The following KCNAB1 variants were observed in gnomAD, a reference collection of about 807,000 sequenced individuals.
KCNAB1 encodes the protein potassium voltage-gated channel subfamily A regulatory beta subunit 1.
In KCNAB1, 35 loss-of-function variants were observed where a neutral mutation model predicts 64.6. The observed-to-expected ratio is 0.54, with a 90% CI of 0.41 to 0.72. The LOEUF is 0.72. KCNAB1 is among the 30% of genes least tolerant of loss of function. The pLI, the probability that KCNAB1 is intolerant of heterozygous loss-of-function variation, is 0.00. For synonymous variants in KCNAB1, 177 were observed against 183.8 expected (o/e 0.96, Z 0.30); for missense variants, 401 against 512.9 (o/e 0.78, Z 2.11).
chr3:156,138,149 C>A (rs764262084), intron 1 of KCNAB1, among the ~76,000 whole-genome samples: 4 of 152,164 alleles, frequency 2.6e-5, no homozygotes, highest in Non-Finnish European at 4.4e-5. Flanking sequence ...TATAGCTAGA[C>A]CCCAAGGTAG....
At chr3:156,502,571 CACAA>C (rs1415851634) in intron 8 of KCNAB1, among the ~76,000 whole-genome samples, 1 of 143,806 alleles carries the variant, frequency 7.0e-6, no homozygotes, top group African/African-American at 2.6e-5. Context: ...CACACACACA[CACAA>C]ATTCAAGATG....
chr3:156,366,970 C>G (rs115976107), intron 1 of KCNAB1, among the ~76,000 whole-genome samples: 2,024 of 152,220 alleles, frequency 0.013, 17 homozygotes, highest in South Asian at 0.031. Flanking sequence ...GGTCCCGGGA[C>G]TATTGCAAAA....
At chr3:156,304,208 G>A (rs1168544623) in intron 1 of KCNAB1, among the ~76,000 whole-genome samples, 4 of 152,064 alleles carry the variant, frequency 2.6e-5, no homozygotes, top group East Asian at 1.9e-4. Flanking sequence ...TTGGGGACAG[G>A]GTTTGACAAA....
intron 1 of KCNAB1, among the ~76,000 whole-genome samples, chr3:156,165,697 T>G (rs1373040141): frequency 2.0e-5 from 3 of 152,256 alleles, no homozygotes; most frequent in African/African-American, 4.8e-5. Context: ...GATGTTTTGT[T>G]ATAGTTAGTG....
chr3:156,327,734 G>A (rs1251465098), intron 1 of KCNAB1, among the ~76,000 whole-genome samples: 1 of 152,134 alleles, frequency 6.6e-6, no homozygotes, highest in African/African-American at 2.4e-5. Context: ...GTGGTCAGCT[G>A]TATCTTGGAG....
intron 1 of KCNAB1, chr3:156,291,457 C>T: frequency 6.8e-6 from 7 of 1,026,092 alleles, no homozygotes; most frequent in Non-Finnish European, 8.2e-6. Flanking sequence ...TGCGGTAAGC[C>T]TGCGCTGATT....
rs1358244680 is a variant in KCNAB1 at position 156,332,591 on chromosome 3, C to T, written c.276-89025C>T. ...TGACATCTGCTATAAGGAATGTCTC[C>T]AACTGCCAAACGGGACCAAGGCTTC... On this transcript the variant is annotated intron_variant, in intron 1 of 13. Transcript: ENST00000490337. Among the ~76,000 whole-genome samples the T allele has an allele frequency of 2.0e-5, 3 of 152,070 alleles. No individual in the cohort carries two copies. In the East Asian group the frequency reaches 5.8e-4, roughly 29 times the overall value.
Position 156,177,432 on chromosome 3 carries a change from A to G in KCNAB1, c.275+56546A>G, listed in dbSNP as rs760551859. On this transcript the variant is annotated intron_variant, in intron 1 of 13. Transcript: ENST00000490337. ...CTCTCTGTCGCCGAGGCTGGAGTGC[A>G]GCGGCGCAATCTCGGCTCACAGCAA... 5.3e-5 allele frequency among the ~76,000 whole-genome samples: 8 copies of G among 152,288 alleles called. No individual in the cohort carries two copies. The East Asian group carries it at 5.8e-4, about 11-fold the overall frequency.
intron 10 of KCNAB1, 89 bp from the exon 11 acceptor site, chr3:156,516,181 A>G: frequency 1.2e-6 from 1 of 859,772 alleles, no homozygotes; most frequent in Non-Finnish European, 2.0e-6. Flanking sequence ...ATAACCTACC[A>G]AATTCTGTTT....
Position 156,375,807 on chromosome 3 carries a change from A to G in KCNAB1, c.276-45809A>G, listed in dbSNP as rs1450585263. Among the ~76,000 whole-genome samples, 3 of 135,250 alleles carry G rather than the reference A, an allele frequency of 2.2e-5. 1 individual carries two copies. The highest frequency in any genetic ancestry group is 1.0e-4 in the African/African-American group (3 of 30,096). 88.7% of individuals were successfully genotyped at this position (135,250 alleles called of 152,430 possible). On this transcript the variant is annotated intron_variant, in intron 1 of 13. Transcript: ENST00000490337. ...GTATGCCTGGAGTTAAGTGTCCTACATATTGAAGATTTCTTCTTTTTTTTG... is the reference window on the plus strand; with the variant it reads ...GTATGCCTGGAGTTAAGTGTCCTACGTATTGAAGATTTCTTCTTTTTTTTG...
At chr3:156,271,558 T>C (rs1265458108) in intron 1 of KCNAB1, among the ~76,000 whole-genome samples, 4 of 152,248 alleles carry the variant, frequency 2.6e-5, no homozygotes, top group African/African-American at 9.6e-5. Flanking sequence ...TCAATTTCTT[T>C]GTTAAACTCA....
chr3:156,176,652 A>G, intron 1 of KCNAB1: 1 of 1,039,194 alleles, frequency 9.6e-7, no homozygotes, highest in Non-Finnish European at 1.5e-6. Flanking sequence ...AGTCGGTCAA[A>G]TCCTGCAGAT....
chr3:156,125,218 T>C (rs573410916), intron 1 of KCNAB1, among the ~76,000 whole-genome samples: 3 of 152,066 alleles, frequency 2.0e-5, no homozygotes, highest in Non-Finnish European at 4.4e-5. Context: ...GTTTTCACAC[T>C]CTGTAAAATA....
intron 1 of KCNAB1, among the ~76,000 whole-genome samples, chr3:156,131,341 G>A (rs907285676): frequency 6.6e-6 from 1 of 152,160 alleles, no homozygotes; most frequent in African/African-American, 2.4e-5. Context: ...TCCATTCCAT[G>A]GCAAAATAAA....
chr3:156,273,144 G>A (rs1343007764), intron 1 of KCNAB1, among the ~76,000 whole-genome samples: 1 of 151,964 alleles, frequency 6.6e-6, no homozygotes, highest in East Asian at 1.9e-4. Flanking sequence ...AAAAAAAACG[G>A]GTCTCTTTTG....
At chr3:156,525,733 C>A (rs1445611125) in intron 12 of KCNAB1, among the ~76,000 whole-genome samples, 1 of 152,218 alleles carries the variant, frequency 6.6e-6, no homozygotes, top group African/African-American at 2.4e-5. Flanking sequence ...TCAGGCTGGT[C>A]TCTAACTCCT....
At chr3:156,186,875 G>A (rs1713234707) in intron 1 of KCNAB1, among the ~76,000 whole-genome samples, 1 of 149,616 alleles carries the variant, frequency 6.7e-6, no homozygotes, top group East Asian at 2.0e-4. Flanking sequence ...TTCTGGAGAT[G>A]GAGTCTCACT....
At chr3:156,268,392 G>C (rs2108488668) in intron 1 of KCNAB1, among the ~76,000 whole-genome samples, 1 of 152,266 alleles carries the variant, frequency 6.6e-6, no homozygotes, top group Non-Finnish European at 1.5e-5. Context: ...ATCCCTAGCA[G>C]TGGAATTGCT....
intron 1 of KCNAB1, among the ~76,000 whole-genome samples, chr3:156,373,667 A>G (rs1166849610): frequency 6.6e-6 from 1 of 152,224 alleles, no homozygotes; most frequent in Admixed American, 6.5e-5. Flanking sequence ...TTCAGTCTAT[A>G]TGGCAAAATT....
Sources: allele counts gnomAD v4.1 joint callset (sites outside exome capture counted in the v4.1 genomes callset), GRCh38; gene constraint gnomAD v4.1.1; transcripts MANE v1.5; gene names NCBI Gene and HGNC (gene_info 2026-07-23, HGNC 2026-07-21).